The following NRG1 variants were observed in gnomAD, a reference collection of about 807,000 sequenced individuals.
NRG1 encodes neuregulin 1.
A neutral mutation model predicts 63.8 loss-of-function variants in NRG1; 18 were observed. That is an observed-to-expected ratio of 0.28 (90% CI 0.19 to 0.42). NRG1 has a LOEUF of 0.42. NRG1 is among the 10% of genes least tolerant of loss of function. The pLI is 1.00. For missense variants in NRG1, 762 were observed against 814.7 expected, an observed-to-expected ratio of 0.94 and a Z score of 0.79; for synonymous variants, 302 against 301.3, an observed-to-expected ratio of 1.00 and a Z score of -0.02.
chr8:32,573,237 C>G (rs915837683), intron 1 of NRG1, among the ~76,000 whole-genome samples: 2 of 152,228 alleles, frequency 1.3e-5, no homozygotes, highest in Non-Finnish European at 2.9e-5. Context: ...TGAAATTCTA[C>G]AGATGTTCCA....
intron 1 of NRG1, among the ~76,000 whole-genome samples, chr8:31,947,693 C>A (rs1450434683): frequency 1.3e-5 from 2 of 151,742 alleles, no homozygotes; most frequent in Non-Finnish European, 2.9e-5. Flanking sequence ...CCTGTAATCC[C>A]AGCATTTTAG....
At chr8:31,659,390 G>A (rs1805744631) in intron 1 of NRG1, among the ~76,000 whole-genome samples, 1 of 152,182 alleles carries the variant, frequency 6.6e-6, no homozygotes, top group South Asian at 2.1e-4. Flanking sequence ...ACCAAGGAAG[G>A]AGACTCCTTA....
At chr8:32,032,427 A>C (rs1818409310) in intron 1 of NRG1, among the ~76,000 whole-genome samples, 1 of 151,930 alleles carries the variant, frequency 6.6e-6, no homozygotes, top group Non-Finnish European at 1.5e-5. Flanking sequence ...CTATGCCCAG[A>C]TACTTTTTTC....
At chr8:32,004,819 A>G (rs2129758740) in intron 1 of NRG1, among the ~76,000 whole-genome samples, 1 of 151,912 alleles carries the variant, frequency 6.6e-6, no homozygotes, top group Middle Eastern at 3.4e-3. Context: ...GAGTGTGAAC[A>G]AAGTCATGAT....
chr8:31,981,071 C>G (rs183478636), intron 1 of NRG1, among the ~76,000 whole-genome samples: 68 of 152,060 alleles, frequency 4.5e-4, no homozygotes, highest in African/African-American at 1.5e-3. Flanking sequence ...AGTGACAGAG[C>G]AATCTGAGCT....
At chr8:31,815,462 T>A (rs1823345918) in intron 1 of NRG1, among the ~76,000 whole-genome samples, 1 of 152,206 alleles carries the variant, frequency 6.6e-6, no homozygotes, top group South Asian at 2.1e-4. Context: ...CATCCATTTA[T>A]AGATATACCA....
rs758132073 is a variant in NRG1 at position 32,162,321 on chromosome 8, A to G, written c.38-433507A>G. Among the ~76,000 whole-genome samples, 33 of 152,318 alleles carry G rather than the reference A, an allele frequency of 2.2e-4. No individual in the cohort carries two copies. The Middle Eastern group carries it at 0.01, about 47-fold the overall frequency. On this transcript the variant is annotated intron_variant, in intron 1 of 10. Transcript: ENST00000519301. ...TGCTGAAATATTGGAGTAAAAAGGA[A>G]TAGTTAGATCGATCATCTTAATTTT...
At chr8:31,751,680 T>A (rs1400675822) in intron 1 of NRG1, among the ~76,000 whole-genome samples, 1 of 151,948 alleles carries the variant, frequency 6.6e-6, no homozygotes, top group Admixed American at 6.6e-5. Flanking sequence ...TTCACTTCAA[T>A]CATCTGGATG....
chr8:31,730,622 A>T (rs1813936199), intron 1 of NRG1, among the ~76,000 whole-genome samples: 1 of 152,176 alleles, frequency 6.6e-6, no homozygotes, highest in Non-Finnish European at 1.5e-5. Context: ...ACATAGAAGG[A>T]TTATAAAGTC....
intron 1 of NRG1, among the ~76,000 whole-genome samples, chr8:31,965,438 G>A (rs1430725396): frequency 2.6e-5 from 4 of 152,062 alleles, no homozygotes; most frequent in Non-Finnish European, 5.9e-5. Flanking sequence ...GGCCAGGCTG[G>A]TCTTGAATTC....
chr8:32,731,810 G>A (rs1347648498), intron 6 of NRG1, among the ~76,000 whole-genome samples: 2 of 152,120 alleles, frequency 1.3e-5, no homozygotes, highest in Non-Finnish European at 2.9e-5. Context: ...TGTCTATGAA[G>A]CCAGTTCATA....
intron 1 of NRG1, among the ~76,000 whole-genome samples, chr8:31,793,377 G>A (rs1244497685): frequency 6.6e-6 from 1 of 152,166 alleles, no homozygotes; most frequent in Non-Finnish European, 1.5e-5. Flanking sequence ...GAGTCTCAAT[G>A]AAACAGAAAA....
chr8:32,503,915 C>T (rs1051427671), intron 1 of NRG1, among the ~76,000 whole-genome samples: 1 of 152,150 alleles, frequency 6.6e-6, no homozygotes, highest in African/African-American at 2.4e-5. Context: ...TCTTGCATTC[C>T]TTCTCGCCTG....
At chr8:32,160,072 C>G (rs2131905513) in intron 1 of NRG1, among the ~76,000 whole-genome samples, 1 of 152,172 alleles carries the variant, frequency 6.6e-6, no homozygotes, top group African/African-American at 2.4e-5. Context: ...TTGTGAAAGC[C>G]TAGTGGGGAG....
intron 1 of NRG1, among the ~76,000 whole-genome samples, chr8:31,924,048 GT>G (rs1834133507): frequency 6.6e-6 from 1 of 152,086 alleles, no homozygotes; most frequent in Admixed American, 6.5e-5. Context: ...GCAAGTTGGT[GT>G]TTTTCAAAAA....
At chr8:32,414,842 C>T (rs771937137) in intron 1 of NRG1, among the ~76,000 whole-genome samples, 3 of 152,092 alleles carry the variant, frequency 2.0e-5, no homozygotes, top group Non-Finnish European at 4.4e-5. Context: ...TAAGGTGCTT[C>T]GGTTGAATCT....
chr8:31,903,148 CT>C (rs35433200), intron 1 of NRG1, among the ~76,000 whole-genome samples: 73 of 125,478 alleles, frequency 5.8e-4, no homozygotes, highest in South Asian at 8.4e-4. Context: ...GAGCCTTCAA[CT>C]TTTTTTTTTT....
intron 1 of NRG1, among the ~76,000 whole-genome samples, chr8:31,801,767 C>T (rs1398971347): frequency 6.6e-6 from 1 of 152,140 alleles, no homozygotes; most frequent in East Asian, 1.9e-4. Context: ...TAATATATTT[C>T]AGTATTTTTC....
At chr8:32,493,598 C>G (rs1826851508) in intron 1 of NRG1, among the ~76,000 whole-genome samples, 1 of 152,154 alleles carries the variant, frequency 6.6e-6, no homozygotes, top group Non-Finnish European at 1.5e-5. Context: ...TTTGAAATGG[C>G]AGCATTTCCC....
Sources: allele counts gnomAD v4.1 joint callset (sites outside exome capture counted in the v4.1 genomes callset), GRCh38; gene constraint gnomAD v4.1.1; transcripts MANE v1.5; gene names NCBI Gene and HGNC (gene_info 2026-07-23, HGNC 2026-07-21).